Variants in NELL1 observed in about 807,000 individuals in gnomAD.
NELL1 encodes neural EGFL like 1.
A neutral mutation model predicts 107.4 loss-of-function variants in NELL1; 76 were observed. The ratio of observed to expected loss-of-function variants is 0.71; its 90% CI spans 0.59 to 0.86. The LOEUF (loss-of-function observed/expected upper bound fraction) is 0.86. Among genes scored for constraint, NELL1 ranks in the 40% least tolerant of loss-of-function variants. The pLI is 0.00. For synonymous variants in NELL1, 353 were observed against 341.2 expected, an observed-to-expected ratio of 1.03 and a Z score of -0.38; for missense variants, 1,024 against 1,005.5, an observed-to-expected ratio of 1.02 and a Z score of -0.25.
intron 14 of NELL1, among the ~76,000 whole-genome samples, chr11:21,321,785 A>G (rs1850016869): frequency 6.6e-6 from 1 of 152,166 alleles, no homozygotes; most frequent in South Asian, 2.1e-4. Context: ...ACATGCATCA[A>G]TCTCCTGCAC....
chr11:21,215,557 T>C (rs975351819), intron 13 of NELL1, among the ~76,000 whole-genome samples: 2 of 152,180 alleles, frequency 1.3e-5, no homozygotes, highest in African/African-American at 4.8e-5. Flanking sequence ...CCTAGAGACT[T>C]GTTGAATGAC....
chr11:21,137,144 T>C (rs567483366), intron 13 of NELL1, among the ~76,000 whole-genome samples: 4 of 152,364 alleles, frequency 2.6e-5, no homozygotes, highest in East Asian at 3.9e-4. Flanking sequence ...ATGGAAATAC[T>C]GGACTGGATT....
At chr11:21,117,672 G>A (rs1476375208) in intron 13 of NELL1, among the ~76,000 whole-genome samples, 3 of 151,870 alleles carry the variant, frequency 2.0e-5, no homozygotes, top group African/African-American at 7.3e-5. Context: ...TTTATTTTTT[G>A]CTTATGCTAT....
intron 12 of NELL1, among the ~76,000 whole-genome samples, chr11:21,053,367 G>A (rs918293750): frequency 2.6e-5 from 4 of 152,028 alleles, no homozygotes; most frequent in Non-Finnish European, 4.4e-5. Context: ...GAGAACATGC[G>A]GTGTTTGGTT....
chr11:21,533,344 T>C (rs944524750), intron 15 of NELL1, among the ~76,000 whole-genome samples: 1 of 152,170 alleles, frequency 6.6e-6, no homozygotes, highest in Non-Finnish European at 1.5e-5. Context: ...AATTGCAAAG[T>C]ACATTTTGTT....
chr11:21,171,762 C>T (rs1856611727), intron 13 of NELL1, among the ~76,000 whole-genome samples: 2 of 151,806 alleles, frequency 1.3e-5, no homozygotes, highest in Non-Finnish European at 2.9e-5. Flanking sequence ...AAATTCAATA[C>T]TACAGTGCTC....
At chr11:21,262,125 G>T (rs901696075) in intron 14 of NELL1, among the ~76,000 whole-genome samples, 1 of 151,682 alleles carries the variant, frequency 6.6e-6, no homozygotes, top group Admixed American at 6.6e-5. Context: ...TTATTATTTA[G>T]TTTACTATGG....
chr11:21,466,541 A>G (rs1327607734), intron 15 of NELL1, among the ~76,000 whole-genome samples: 7 of 152,200 alleles, frequency 4.6e-5, no homozygotes, highest in African/African-American at 1.4e-4. Flanking sequence ...GAGATGAGCA[A>G]TGAATCCTAC....
chr11:21,492,032 T>A (rs1399468833), intron 15 of NELL1, among the ~76,000 whole-genome samples: 1 of 151,944 alleles, frequency 6.6e-6, no homozygotes, highest in Non-Finnish European at 1.5e-5. Context: ...TACAATGAAC[T>A]CAAACTAATT....
chr11:21,127,767 T>C (rs1043873898), intron 13 of NELL1, among the ~76,000 whole-genome samples: 4 of 152,236 alleles, frequency 2.6e-5, no homozygotes, highest in African/African-American at 7.2e-5. Flanking sequence ...ATCACACTAA[T>C]GATCAATATT....
chr11:20,885,607 T>G (rs1268752812), intron 5 of NELL1, 67 bp downstream of exon 5: 6 of 987,530 alleles, frequency 6.1e-6, no homozygotes, highest in Non-Finnish European at 9.7e-6. Flanking sequence ...GTGTTATTTA[T>G]TGGAGCCGTG....
chr11:20,746,173 C>T (rs1000621668), intron 2 of NELL1, among the ~76,000 whole-genome samples: 3 of 152,138 alleles, frequency 2.0e-5, no homozygotes, highest in Non-Finnish European at 4.4e-5. Flanking sequence ...CAGATACTCC[C>T]TATCTTTTGA....
At chr11:20,706,412 A>G (rs1278733226) in intron 2 of NELL1, among the ~76,000 whole-genome samples, 1 of 151,856 alleles carries the variant, frequency 6.6e-6, no homozygotes, top group African/African-American at 2.4e-5. Context: ...GCAAACTATC[A>G]CAAGGACAAA....
At chr11:21,258,002 G>A (rs1401147400) in intron 14 of NELL1, among the ~76,000 whole-genome samples, 1 of 152,042 alleles carries the variant, frequency 6.6e-6, no homozygotes, top group Non-Finnish European at 1.5e-5. Flanking sequence ...GGTGGGAAGA[G>A]AGAAAGGACC....
At position 20,829,248 on chromosome 11, in the gene NELL1, A is replaced by G. The variant is rs572750930; in HGVS notation, c.336-18335A>G. Among the ~76,000 whole-genome samples, 53 of 115,474 alleles carry G rather than the reference A, an allele frequency of 4.6e-4. 1 individual carries two copies. Among genetic ancestry groups the G allele is most frequent in the Admixed American group, 1.8e-3 (18 of 9,966 alleles). 75.8% of individuals were successfully genotyped at this position (115,474 alleles called of 152,430 possible). A position where few individuals can be genotyped will look rare whatever the true frequency, so the allele number is the denominator to read the frequency against. On this transcript the variant is annotated intron_variant, in intron 3 of 19. Coordinates refer to ENST00000357134, the MANE Select transcript of NELL1 (RefSeq NM_006157.5). ...ATTTTTTTTTTTTTTTTTTTTTGAG[A>G]CGGAGTCTTGTTCTGTTGCCCACGC... is the stretch of plus-strand genomic sequence containing the variant.
At chr11:21,543,574 A>G (rs1299454041) in intron 16 of NELL1, among the ~76,000 whole-genome samples, 1 of 152,046 alleles carries the variant, frequency 6.6e-6, no homozygotes, top group Non-Finnish European at 1.5e-5. Flanking sequence ...TGGGTCCCCC[A>G]GAAAGGACCT....
At chr11:21,157,214 G>T (rs1443828862) in intron 13 of NELL1, among the ~76,000 whole-genome samples, 2 of 150,984 alleles carry the variant, frequency 1.3e-5, no homozygotes, top group Admixed American at 6.6e-5. Context: ...CCAAATTAAA[G>T]AAATGAAACA....
chr11:21,207,486 A>G (rs1385725088), intron 13 of NELL1, among the ~76,000 whole-genome samples: 1 of 152,198 alleles, frequency 6.6e-6, no homozygotes, highest in Non-Finnish European at 1.5e-5. Flanking sequence ...TTCATTAGAA[A>G]CAGACCCACA....
chr11:21,537,272 A>G (rs1236846459), intron 16 of NELL1, among the ~76,000 whole-genome samples: 3 of 152,110 alleles, frequency 2.0e-5, no homozygotes, highest in Non-Finnish European at 4.4e-5. Context: ...CTTCCCAATG[A>G]GTGTAAAATA....
Sources: allele counts gnomAD v4.1 joint callset (sites outside exome capture counted in the v4.1 genomes callset), GRCh38; gene constraint gnomAD v4.1.1; transcripts MANE v1.5; gene names NCBI Gene and HGNC (gene_info 2026-07-23, HGNC 2026-07-21).